Variants in MAD1L1 observed in about 807,000 individuals in gnomAD.
MAD1L1 encodes mitotic arrest deficient 1 like 1, also known as mitotic spindle assembly checkpoint protein MAD1.
A neutral mutation model predicts 96.9 loss-of-function variants in MAD1L1; 95 were observed. The ratio of observed to expected loss-of-function variants is 0.98; its 90% CI spans 0.83 to 1.16. The LOEUF (loss-of-function observed/expected upper bound fraction) is 1.16, where lower values mean the gene tolerates loss of function less well. Ranked by LOEUF, MAD1L1 falls within the 50% of genes most tolerant of loss-of-function variation. The probability of loss-of-function intolerance (pLI) is 0.00; values close to 1 mark genes in which losing one functional copy is unlikely to be tolerated. For missense variants in MAD1L1, 1,007 were observed against 954.4 expected (o/e 1.06, Z -0.73); for synonymous variants, 473 against 396.6 (o/e 1.19, Z -2.29).
intron 10 of MAD1L1, among the ~76,000 whole-genome samples, chr7:2,212,623 G>A (rs1466046919): frequency 6.6e-6 from 1 of 152,134 alleles, no homozygotes; most frequent in Non-Finnish European, 1.5e-5. Flanking sequence ...ATTGCGGCGT[G>A]CCTGTTCCCC....
intron 4 of MAD1L1, among the ~76,000 whole-genome samples, 191 bp downstream of exon 4, chr7:2,225,219 G>A (rs894866189): frequency 9.2e-6 from 1 of 108,164 alleles, no homozygotes; most frequent in Non-Finnish European, 2.4e-5. Context: ...CCTACGGCCT[G>A]GCAGGTACCG....
At chr7:2,032,350 G>A (rs1206882098) in intron 12 of MAD1L1, among the ~76,000 whole-genome samples, 2 of 152,234 alleles carry the variant, frequency 1.3e-5, no homozygotes, top group Non-Finnish European at 1.5e-5. Context: ...CCGTGAAGCC[G>A]AGCCTGGGCT....
chr7:1,889,012 A>G (rs968793426), intron 18 of MAD1L1, among the ~76,000 whole-genome samples: 2 of 152,344 alleles, frequency 1.3e-5, no homozygotes, highest in East Asian at 3.9e-4. Context: ...AGACAGTGGC[A>G]GGGATCCACT....
At chr7:2,001,916 C>T (rs1210681871) in intron 14 of MAD1L1, 149 bp downstream of exon 14, 12 of 801,494 alleles carry the variant, frequency 1.5e-5, no homozygotes, top group Non-Finnish European at 2.5e-5. Context: ...GCTCCTCACA[C>T]ACCCTTCCCC....
chr7:1,903,294 C>T (rs1358096228), intron 17 of MAD1L1, among the ~76,000 whole-genome samples: 66 of 151,104 alleles, frequency 4.4e-4, no homozygotes, highest in African/African-American at 1.2e-3. Context: ...ATTGATGAAG[C>T]ACTGTTCCAG....
At chr7:2,201,417 C>T (rs1792291107) in intron 10 of MAD1L1, among the ~76,000 whole-genome samples, 1 of 152,124 alleles carries the variant, frequency 6.6e-6, no homozygotes, top group Non-Finnish European at 1.5e-5. Context: ...CCTGGGAGCC[C>T]CTAGCCCACA....
chr7:2,075,392 G>A (rs1466062954), intron 11 of MAD1L1, among the ~76,000 whole-genome samples: 2 of 152,212 alleles, frequency 1.3e-5, no homozygotes, highest in East Asian at 1.9e-4. Flanking sequence ...CGGCACCAGC[G>A]ACGGCGGGCT....
At chr7:1,983,150 GCGCGCA>G (rs1246015101) in intron 14 of MAD1L1, among the ~76,000 whole-genome samples, 2,478 of 93,246 alleles carry the variant, frequency 0.027, 43 homozygotes, top group East Asian at 0.087. Flanking sequence ...GCGCGCGCGC[GCGCGCA>G]CACACACACA....
intron 17 of MAD1L1, among the ~76,000 whole-genome samples, chr7:1,918,117 A>C (rs1788529476): frequency 6.6e-6 from 1 of 152,070 alleles, no homozygotes; most frequent in Non-Finnish European, 1.5e-5. Flanking sequence ...CCTGCCCCGG[A>C]CCGTGCTCCA....
chr7:1,937,010 A>C (rs1583846998), intron 16 of MAD1L1, 113 bp from the exon 17 acceptor site: 1 of 784,256 alleles, frequency 1.3e-6, no homozygotes, highest in East Asian at 2.7e-5. Context: ...GGTCACACAC[A>C]GCACAGTGCT....
At chr7:2,155,171 G>A (rs1290115832) in intron 10 of MAD1L1, among the ~76,000 whole-genome samples, 3 of 152,024 alleles carry the variant, frequency 2.0e-5, no homozygotes, top group Admixed American at 6.5e-5. Context: ...CTAAGAGAGC[G>A]AGCAAAGGGG....
intron 12 of MAD1L1, among the ~76,000 whole-genome samples, chr7:2,062,636 C>G (rs530797936): frequency 1.3e-5 from 2 of 152,186 alleles, no homozygotes; most frequent in African/African-American, 2.4e-5. Flanking sequence ...GAGGGAGCGG[C>G]TGGAACCAGG....
At chr7:1,963,566 G>A (rs1351213653) in intron 15 of MAD1L1, among the ~76,000 whole-genome samples, 1 of 152,188 alleles carries the variant, frequency 6.6e-6, no homozygotes, top group Non-Finnish European at 1.5e-5. Context: ...GCAGCTTACT[G>A]CACACCAGTT....
At chr7:2,030,584 C>T (rs575577108) in intron 12 of MAD1L1, among the ~76,000 whole-genome samples, 7 of 152,276 alleles carry the variant, frequency 4.6e-5, no homozygotes, top group East Asian at 1.9e-4. Context: ...GACAGGTGGC[C>T]GGACCCCGCA....
chr7:2,220,345 C>A (rs1793532826), intron 5 of MAD1L1, among the ~76,000 whole-genome samples: 4 of 152,212 alleles, frequency 2.6e-5, no homozygotes, highest in African/African-American at 7.2e-5. Flanking sequence ...CGCCAGGCTT[C>A]CTCCTGACCA....
intron 12 of MAD1L1, among the ~76,000 whole-genome samples, chr7:2,048,115 G>T (rs1045704708): frequency 6.6e-6 from 1 of 152,206 alleles, no homozygotes; most frequent in Non-Finnish European, 1.5e-5. Context: ...CACGCACACA[G>T]TAATGCTCAT....
rs1394737198 is a variant in MAD1L1, at chr7:1,827,564, T to G, written c.1999-11336A>C. Among the ~76,000 whole-genome samples, 36 of 79,870 alleles carry G rather than the reference T, an allele frequency of 4.5e-4. 1 individual carries two copies. Among genetic ancestry groups the G allele is most frequent in the Middle Eastern group, 8.9e-3 (1 of 112 alleles). The allele number at this position is 79,870 out of a possible 152,430, so 52.4% of individuals were successfully genotyped here. A position where few individuals can be genotyped will look rare whatever the true frequency, so the allele number is the denominator to read the frequency against. On this transcript the variant is annotated intron_variant, in intron 18 of 18. Coordinates refer to ENST00000265854, the MANE Select transcript of MAD1L1 (RefSeq NM_001013836.2). The stretch of plus-strand genomic sequence containing the variant: ...GTGGGGGCCTCCCCTCCTGAGCCCG[T>G]CCCGGGTGTGGCATCCTCCCCTCCT...
intron 18 of MAD1L1, chr7:1,874,625 G>A (rs1785282311): frequency 6.9e-6 from 3 of 433,070 alleles, no homozygotes; most frequent in Non-Finnish European, 9.2e-6. Context: ...TTCATCGATC[G>A]CCTGGTGGGC....
intron 15 of MAD1L1, among the ~76,000 whole-genome samples, chr7:1,959,604 G>A (rs1359236193): frequency 6.6e-6 from 1 of 152,170 alleles, no homozygotes; most frequent in Non-Finnish European, 1.5e-5. Flanking sequence ...CACAAGGCGG[G>A]GTTCTCATGA....
Sources: gnomAD v4.1 joint callset for allele counts (sites outside exome capture counted in the v4.1 genomes callset) on GRCh38, gnomAD v4.1.1 for gene constraint, MANE v1.5 for transcripts, NCBI Gene and HGNC (gene_info 2026-07-23, HGNC 2026-07-21) for gene names.